Variants in CCDC124 observed in about 807,000 individuals in gnomAD.
The protein encoded by CCDC124 is coiled-coil domain containing 124, also known as coiled-coil domain-containing protein 124.
CCDC124 carries 9 observed loss-of-function variants against 19.8 expected under a neutral mutation model. The observed-to-expected ratio is 0.45, with a 90% CI of 0.27 to 0.79. The LOEUF is 0.79. CCDC124 is among the 30% of genes least tolerant of loss of function. The probability of loss-of-function intolerance (pLI) is 0.14; values close to 1 mark genes in which losing one functional copy is unlikely to be tolerated. For synonymous variants in CCDC124, 126 were observed against 131.3 expected (o/e 0.96, Z 0.27); for missense variants, 285 against 319.0 (o/e 0.89, Z 0.81).
chr19:17,933,597 T>G (rs925814956), intron 1 of CCDC124, among the ~76,000 whole-genome samples: 1 of 152,104 alleles, frequency 6.6e-6, no homozygotes, highest in Admixed American at 6.6e-5. Context: ...GACCCATAGA[T>G]TGGGCTTCCC....
intron 2 of CCDC124, among the ~76,000 whole-genome samples, chr19:17,939,390 A>T (rs1485564350): frequency 6.6e-6 from 1 of 151,886 alleles, no homozygotes; most frequent in Non-Finnish European, 1.5e-5. Context: ...GCAAGAGTCC[A>T]TCTCAAAAAA....
At chr19:17,941,772 A>C (rs2031187316) in intron 2 of CCDC124, among the ~76,000 whole-genome samples, 1 of 152,074 alleles carries the variant, frequency 6.6e-6, no homozygotes, top group African/African-American at 2.4e-5. Context: ...CCTTCTGTCA[A>C]ATCTATCTGG....
At chr19:17,938,879 G>A (rs1190460061) in intron 2 of CCDC124, among the ~76,000 whole-genome samples, 1 of 152,092 alleles carries the variant, frequency 6.6e-6, no homozygotes, top group Non-Finnish European at 1.5e-5. Context: ...TTACAGGCAT[G>A]AGCCACTGCA....
chr19:17,936,104 C>T (rs1308467568), intron 1 of CCDC124: 10 of 227,886 alleles, frequency 4.4e-5, no homozygotes, highest in Admixed American at 2.8e-4. Flanking sequence ...GGGGTTTTGC[C>T]GTGTTGGCCA....
chr19:17,943,392 TG>T lies in CCDC124; in HGVS notation c.464+21del. ...AGTGCTCAGGTAACGGGGCGGGGCCTGGGGCTTTCCCAGGGGTGGAGCTGGT... is the reference window on the plus strand; with the variant it reads ...AGTGCTCAGGTAACGGGGCGGGGCCTGGGCTTTCCCAGGGGTGGAGCTGGT... On this transcript the variant is annotated intron_variant, in intron 4 of 4. Coordinates refer to ENST00000445755, the MANE Select transcript of CCDC124 (RefSeq NM_001136203.2). 2 of 1,312,116 alleles carry T rather than the reference TG, an allele frequency of 1.5e-6. No individual in the cohort carries two copies. Among genetic ancestry groups the T allele is most frequent in the Non-Finnish European group, 2.0e-6 (2 of 1,003,870 alleles). 81.3% of individuals were successfully genotyped at this position (1,312,116 alleles called of 1,614,324 possible).
intron 4 of CCDC124, 28 bp from the exon 5 acceptor site, chr19:17,943,480 G>GC: frequency 6.2e-7 from 1 of 1,602,564 alleles, no homozygotes; most frequent in African/African-American, 1.3e-5. Context: ...TGCGCCCAAG[G>GC]CCCCCTGACG....
chr19:17,938,472 C>G (rs919728906), intron 2 of CCDC124, among the ~76,000 whole-genome samples: 4 of 152,210 alleles, frequency 2.6e-5, no homozygotes, highest in Non-Finnish European at 4.4e-5. Flanking sequence ...TCCTGGTTTC[C>G]ACACCCTGGG....
rs1021205056 is a variant in CCDC124, at chr19:17,942,511, G to A, written c.160-145G>A. ...CACATCCCCCGCCCAGGGCAGCACC[G>A]GGACCTATCTTGTTCCTGGTATGTC... On this transcript the variant is annotated intron_variant, in intron 2 of 4. Transcript: ENST00000445755. The surrounding 1 kb of genome is among the most constrained non-coding windows in gnomAD (Gnocchi z 4.2). 4.5e-6 allele frequency: 4 copies of A among 897,574 alleles called. No individual in the cohort carries two copies. The East Asian group carries it at 1.1e-4, about 24-fold the overall frequency. The allele number at this position is 897,574 out of a possible 1,614,324, so 55.6% of individuals were successfully genotyped here.
chr19:17,934,048 G>GGTGAAAAA (rs1568437227), intron 1 of CCDC124, among the ~76,000 whole-genome samples: 24 of 152,114 alleles, frequency 1.6e-4, no homozygotes, highest in African/African-American at 5.6e-4. Context: ...AAATTGCCAG[G>GGTGAAAAA]CACTGTGGCT....
Position 17,942,961 on chromosome 19 carries a change from A to G in CCDC124, c.349+116A>G, listed in dbSNP as rs2031220407. On this transcript the variant is annotated intron_variant, in intron 3 of 4. Coordinates refer to ENST00000445755, the MANE Select transcript of CCDC124 (RefSeq NM_001136203.2). The surrounding 1 kb of genome is among the most constrained non-coding windows in gnomAD (Gnocchi z 4.2). ...AAGCTGCCGGGGCTCCACGTGGTGC[A>G]GGGTGGGTGGGTAGGCCGCCTCCTG... The G allele has an allele frequency of 5.5e-6, 7 of 1,280,890 alleles. No homozygotes were observed. The African/African-American group carries it at 6.0e-5, about 11-fold the overall frequency. 79.3% of individuals were successfully genotyped at this position (1,280,890 alleles called of 1,614,324 possible).
chr19:17,943,241 T>TCTGCCC lies in CCDC124; in HGVS notation c.350-19_350-18insTGCCCC. On this transcript the variant is annotated intron_variant, in intron 3 of 4. Transcript: ENST00000445755. ...CTTTGCTTATCTCTCTCTGTCTCTG[T>TCTGCCC]CACCCACCCACCCGCCCAGCCGAGA... 1.1e-5 allele frequency: 8 copies of TCTGCCC among 736,666 alleles called. No individual in the cohort carries two copies. The highest frequency in any genetic ancestry group is 2.7e-5 in the East Asian group (1 of 37,086). The allele number at this position is 736,666 out of a possible 1,614,324, so 45.6% of individuals were successfully genotyped here.
intron 2 of CCDC124, among the ~76,000 whole-genome samples, chr19:17,939,316 A>G (rs188594125): frequency 6.6e-6 from 1 of 152,212 alleles, no homozygotes; most frequent in Non-Finnish European, 1.5e-5. Flanking sequence ...AATCACTTGT[A>G]CCTGGGAGGT....
In CCDC124 at chr19:17,936,573, G is replaced by C; in HGVS notation, c.153G>C (p.Gln51His). Residue 51 changes from glutamine (Q) to histidine (H), a missense_variant, in exon 2 of 5, where the codon CAG becomes CAC. By Grantham distance (24) the Gln-to-His change is conservative. Coordinates refer to ENST00000445755, the MANE Select transcript of CCDC124 (RefSeq NM_001136203.2). ...DDDKHVMRKEQRKEEKEKRRL... is the reference protein window; with the variant it reads ...DDDKHVMRKEHRKEEKEKRRL... ...ACAAACACGTCATGAGGAAGGAGCA[G>C]CGCAAGGTGCGTGCACTCCGAGTCC... The C allele has an allele frequency of 6.2e-7, 1 of 1,612,370 alleles. No homozygotes were observed.
rs962755946 is a variant in CCDC124 at position 17,942,124 on chromosome 19, G to A, written c.160-532G>A. Among the ~76,000 whole-genome samples the A allele has an allele frequency of 3.9e-5, 6 of 152,124 alleles. No individual in the cohort carries two copies. Among genetic ancestry groups the A allele is most frequent in the Non-Finnish European group, 8.8e-5 (6 of 68,008 alleles). ...TTCAGCCTCAGTGACCCACGGCAGGGAAACGTGGACAGTGCTGCCCGACTC... is the reference window on the plus strand; with the variant it reads ...TTCAGCCTCAGTGACCCACGGCAGGAAAACGTGGACAGTGCTGCCCGACTC... On this transcript the variant is annotated intron_variant, in intron 2 of 4. Transcript: ENST00000445755. The surrounding 1 kb of genome is among the most constrained non-coding windows in gnomAD (Gnocchi z 4.2).
chr19:17,942,765 C>T lies in CCDC124; in HGVS notation c.269C>T (p.Ala90Val). Reference protein sequence around the residue: ...KLKGGKAPRVATSSKVTRAQI... With the variant: ...KLKGGKAPRVVTSSKVTRAQI... ...AAGGGCGGCAAGGCGCCGCGGGTGGCCACGTCCAGCAAGGTCACCCGGGCC... is the reference window on the plus strand; with the variant it reads ...AAGGGCGGCAAGGCGCCGCGGGTGGTCACGTCCAGCAAGGTCACCCGGGCC... Residue 90 changes from alanine (A) to valine (V), a missense_variant, in exon 3 of 5, where the codon GCC becomes GTC. Ala to Val is a moderately conservative substitution (Grantham distance 64, BLOSUM62 0). Transcript: ENST00000445755. The surrounding 1 kb of genome is among the most constrained non-coding windows in gnomAD (Gnocchi z 4.2). 6.5e-7 allele frequency: 1 copy of T among 1,548,052 alleles called. No individual in the cohort carries two copies. The highest frequency in any genetic ancestry group is 8.7e-7 in the Non-Finnish European group (1 of 1,146,452).
chr19:17,934,619 T>TAAA (rs56743845), intron 1 of CCDC124, among the ~76,000 whole-genome samples: 10,870 of 123,690 alleles, frequency 0.088, 567 homozygotes, highest in Non-Finnish European at 0.12. Flanking sequence ...GACCCTGCCT[T>TAAA]AAAAAAAAAA....
chr19:17,942,954 G>T lies in CCDC124; in HGVS notation c.349+109G>T. 1 of 1,306,220 alleles carries T rather than the reference G, an allele frequency of 7.7e-7. No homozygotes were observed. The highest frequency in any genetic ancestry group is 1.0e-6 in the Non-Finnish European group (1 of 978,014). The allele number at this position is 1,306,220 out of a possible 1,614,324, so 80.9% of individuals were successfully genotyped here. On this transcript the variant is annotated intron_variant, in intron 3 of 4. Coordinates refer to ENST00000445755, the MANE Select transcript of CCDC124 (RefSeq NM_001136203.2). The surrounding 1 kb of genome is among the most constrained non-coding windows in gnomAD (Gnocchi z 4.2). ...CCCAGAGAAGCTGCCGGGGCTCCAC[G>T]TGGTGCAGGGTGGGTGGGTAGGCCG...
At chr19:17,933,300 C>G (rs1210620519) in intron 1 of CCDC124, among the ~76,000 whole-genome samples, 1 of 152,196 alleles carries the variant, frequency 6.6e-6, no homozygotes, top group African/African-American at 2.4e-5. Flanking sequence ...AGCTTCTGGT[C>G]TCGAGAGGGA....
intron 4 of CCDC124, 52 bp downstream of exon 4, chr19:17,943,427 G>GT: frequency 6.5e-7 from 1 of 1,548,966 alleles, no homozygotes; most frequent in Non-Finnish European, 8.7e-7. Context: ...GTCATCGGGG[G>GT]CGGGGCTACC....
Sources: gnomAD v4.1 joint callset for allele counts (sites outside exome capture counted in the v4.1 genomes callset) on GRCh38, gnomAD v4.1.1 for gene constraint, Gnocchi (gnomAD v3.1) non-coding constraint, MANE v1.5 for transcripts, NCBI Gene and HGNC (gene_info 2026-07-23, HGNC 2026-07-21) for gene names.